The following ABCA13 variants were observed in gnomAD, a reference collection of about 807,000 sequenced individuals.
ABCA13 encodes ATP binding cassette subfamily A member 13.
A neutral mutation model predicts 478.7 loss-of-function variants in ABCA13; 476 were observed. The ratio of observed to expected loss-of-function variants is 0.99; its 90% CI spans 0.92 to 1.07. The LOEUF is 1.07. Among genes scored for constraint, ABCA13 ranks in the 50% least tolerant of loss-of-function variants. The probability of loss-of-function intolerance (pLI) is 0.00; values close to 1 mark genes in which losing one functional copy is unlikely to be tolerated. For synonymous variants in ABCA13, 2,252 were observed against 2,158.9 expected, an observed-to-expected ratio of 1.04 and a Z score of -1.20; for missense variants, 6,060 against 5,910.6, an observed-to-expected ratio of 1.03 and a Z score of -0.83.
intron 32 of ABCA13, among the ~76,000 whole-genome samples, chr7:48,368,371 C>A (rs1048823440): frequency 5.3e-5 from 8 of 151,830 alleles, no homozygotes; most frequent in African/African-American, 1.9e-4. Context: ...TGAATAAGTT[C>A]TTCGGTAGCG....
At chr7:48,328,399 A>G (rs749961043) in intron 27 of ABCA13, among the ~76,000 whole-genome samples, 1 of 152,220 alleles carries the variant, frequency 6.6e-6, no homozygotes, top group Non-Finnish European at 1.5e-5. Context: ...AGTGGCCAAT[A>G]TGGAACATTT....
At position 48,273,490 on chromosome 7, in the gene ABCA13, G is replaced by A. The variant is rs1795897913; in HGVS notation, c.3824G>A (p.Ser1275Asn). Reference sequence around the variant, plus strand: ...TTGAAGACATTTCCATTCAACGAAAGTACAAGCAGAGAGTTTTTAAATTCT... The same window carrying A: ...TTGAAGACATTTCCATTCAACGAAAATACAAGCAGAGAGTTTTTAAATTCT... ...HQLKTFPFNE[S>N]TSREFLNSLL... Residue 1275 changes from serine to asparagine, a missense_variant, in exon 17 of 62, where the codon AGT becomes AAT. Physicochemically the swap from Ser to Asn is conservative, Grantham distance 46. Coordinates refer to ENST00000435803, the MANE Select transcript of ABCA13 (RefSeq NM_152701.5). The A allele has an allele frequency of 6.2e-7, 1 of 1,602,870 alleles. No individual in the cohort carries two copies. Among genetic ancestry groups the A allele is most frequent in the East Asian group, 2.2e-5 (1 of 44,646 alleles).
At chr7:48,441,282 A>T (rs2129165962) in intron 42 of ABCA13, among the ~76,000 whole-genome samples, 1 of 152,264 alleles carries the variant, frequency 6.6e-6, no homozygotes, top group Non-Finnish European at 1.5e-5. Flanking sequence ...TGTGTATGTG[A>T]TCTACACTAG....
chr7:48,318,494 C>T (rs1802908017), intron 27 of ABCA13, among the ~76,000 whole-genome samples: 1 of 150,346 alleles, frequency 6.7e-6, no homozygotes, highest in African/African-American at 2.5e-5. Flanking sequence ...TGCCCCCACG[C>T]CCTGCTAACT....
intron 55 of ABCA13, among the ~76,000 whole-genome samples, chr7:48,566,994 A>G (rs1036954515): frequency 2.0e-5 from 3 of 152,224 alleles, no homozygotes; most frequent in Admixed American, 6.5e-5. Context: ...AAGAATTGAT[A>G]GATATGCTGT....
chr7:48,573,034 T>C (rs1274656231), intron 55 of ABCA13, among the ~76,000 whole-genome samples: 4 of 152,100 alleles, frequency 2.6e-5, no homozygotes, highest in Admixed American at 6.6e-5. Flanking sequence ...ACTAAAATTT[T>C]ATTTTTAATA....
At chr7:48,315,180 T>C (rs922053475) in intron 26 of ABCA13, among the ~76,000 whole-genome samples, 7 of 152,190 alleles carry the variant, frequency 4.6e-5, no homozygotes, top group African/African-American at 1.7e-4. Context: ...ATGAGGAGTG[T>C]TGGTGCCTTA....
intron 31 of ABCA13, among the ~76,000 whole-genome samples, 157 bp from the exon 32 acceptor site, chr7:48,367,637 C>T (rs1427648233): frequency 6.6e-6 from 1 of 152,156 alleles, no homozygotes; most frequent in African/African-American, 2.4e-5. Context: ...AAAATCAGCA[C>T]ACCAATCATG....
rs28455946 is a variant in ABCA13, at chr7:48,548,815, G to A, written c.14354+20470G>A. On this transcript the variant is annotated intron_variant, in intron 55 of 61. Transcript: ENST00000435803. ...AGGGTGTTTTCTGCATGCCTTGCTT[G>A]CACAGCTTCTATGTTCCCTACATGC... Among the ~76,000 whole-genome samples, 843 of 151,614 alleles carry A rather than the reference G, an allele frequency of 5.6e-3. 13 individuals are homozygous for A. The highest frequency in any genetic ancestry group is 0.019 in the African/African-American group (803 of 41,430).
At chr7:48,405,982 C>A (rs1023018993) in intron 39 of ABCA13, among the ~76,000 whole-genome samples, 8 of 152,256 alleles carry the variant, frequency 5.3e-5, no homozygotes, top group Admixed American at 1.3e-4. Flanking sequence ...AATGTATAGC[C>A]ATTTCTGAAG....
chr7:48,342,899 C>T (rs914413959), intron 29 of ABCA13, among the ~76,000 whole-genome samples: 1 of 152,062 alleles, frequency 6.6e-6, no homozygotes. Flanking sequence ...GTTGCATTTT[C>T]CGCTTAAAAT....
intron 41 of ABCA13, 79 bp downstream of exon 41, chr7:48,412,662 A>T: frequency 3.1e-6 from 3 of 956,752 alleles, no homozygotes; most frequent in Non-Finnish European, 4.3e-6. Flanking sequence ...ATGTGGGTAA[A>T]GGGGGGGAGA....
rs200453437 is a variant in ABCA13 at position 48,274,301 on chromosome 7, T to G, written c.4635T>G (p.Leu1545=). 1.2e-6 allele frequency: 2 copies of G among 1,613,440 alleles called. No homozygotes were observed. The highest frequency in any genetic ancestry group is 3.3e-5 in the Admixed American group (2 of 59,992). ...CTAATCAGTTTCAAAATATTTGGCT[T>G]CATTTAATAACACTGGGGAAGGAAT... ...EIPNQFQNIW[L]HLITLGKEFQ... is the part of the protein sequence containing the mutation. The change falls in exon 17 of 62, where the codon CTT becomes CTG. Residue 1545 remains leucine (L), a synonymous_variant. Coordinates refer to ENST00000435803, the MANE Select transcript of ABCA13 (RefSeq NM_152701.5).
At chr7:48,266,464 A>G (rs1794885225) in intron 15 of ABCA13, among the ~76,000 whole-genome samples, 1 of 151,754 alleles carries the variant, frequency 6.6e-6, no homozygotes. Flanking sequence ...GGGCCACTCA[A>G]GTTGTTCAAT....
chr7:48,644,454 C>T (rs1020644371), intron 60 of ABCA13, among the ~76,000 whole-genome samples, 163 bp from the exon 61 acceptor site: 19 of 152,114 alleles, frequency 1.2e-4, no homozygotes, highest in Admixed American at 2.6e-4. Flanking sequence ...AAATATACCC[C>T]ATGAAAAATT....
intron 15 of ABCA13, among the ~76,000 whole-genome samples, chr7:48,256,615 G>A (rs375238990): frequency 2.0e-5 from 3 of 152,034 alleles, no homozygotes; most frequent in African/African-American, 7.2e-5. Context: ...TAGGTGTGTG[G>A]CCTTACTTCT....
intron 20 of ABCA13, among the ~76,000 whole-genome samples, chr7:48,292,436 T>C (rs1360215083): frequency 6.6e-6 from 1 of 152,176 alleles, no homozygotes; most frequent in Non-Finnish European, 1.5e-5. Flanking sequence ...CGATCCCTAA[T>C]GCGGTAGCCA....
intron 42 of ABCA13, among the ~76,000 whole-genome samples, chr7:48,440,400 C>T (rs1218954842): frequency 1.3e-5 from 2 of 152,002 alleles, no homozygotes; most frequent in Non-Finnish European, 2.9e-5. Flanking sequence ...ATTATTTTGT[C>T]TCTGAAATTC....
chr7:48,630,013 T>C (rs1794033567), intron 59 of ABCA13, among the ~76,000 whole-genome samples: 1 of 152,174 alleles, frequency 6.6e-6, no homozygotes, highest in East Asian at 1.9e-4. Context: ...TATTTCTTGG[T>C]CTATTTTGTT....
Sources: gnomAD v4.1 joint callset for allele counts (sites outside exome capture counted in the v4.1 genomes callset) on GRCh38, gnomAD v4.1.1 for gene constraint, MANE v1.5 for transcripts, NCBI Gene and HGNC (gene_info 2026-07-23, HGNC 2026-07-21) for gene names.